The following RABGAP1L variants were observed in gnomAD, a reference collection of about 807,000 sequenced individuals.
RABGAP1L encodes RAB GTPase activating protein 1 like, also known as rab GTPase-activating protein 1-like.
Under a neutral mutation model 137.7 loss-of-function variants are expected in RABGAP1L, and 63 were observed. The observed-to-expected ratio is 0.46, with a 90% CI of 0.37 to 0.56. The LOEUF is 0.56. Ranked by LOEUF, RABGAP1L falls within the 20% of genes least tolerant of loss-of-function variation. The pLI, the probability that RABGAP1L is intolerant of heterozygous loss-of-function variation, is 0.00. For missense variants in RABGAP1L, 1,095 were observed against 1,244.0 expected, an observed-to-expected ratio of 0.88 and a Z score of 1.80; for synonymous variants, 431 against 433.7, an observed-to-expected ratio of 0.99 and a Z score of 0.08.
chr1:174,455,313 T>C lies in RABGAP1L; in HGVS notation c.1710+61168T>C, dbSNP rs146023628. 3.9e-5 allele frequency among the ~76,000 whole-genome samples: 6 copies of C among 152,294 alleles called. No homozygotes were observed. In the East Asian group the frequency reaches 1.2e-3, roughly 29 times the overall value. ...TTTTATACAAAAGAAATACCTATCA[T>C]TGACTTAAACATTTGACCCCAGTTT... On this transcript the variant is annotated intron_variant, in intron 13 of 25. Transcript: ENST00000681986.
chr1:174,581,965 T>C (rs988746749), intron 13 of RABGAP1L, among the ~76,000 whole-genome samples: 4 of 152,098 alleles, frequency 2.6e-5, no homozygotes, highest in Non-Finnish European at 5.9e-5. Context: ...GGGGTAGGAA[T>C]ATGGAAAGGA....
chr1:174,677,558 T>C (rs1005071068), intron 14 of RABGAP1L, among the ~76,000 whole-genome samples: 3 of 152,200 alleles, frequency 2.0e-5, no homozygotes, highest in Admixed American at 6.5e-5. Flanking sequence ...TCCACAGTGG[T>C]CCTAGTTTCG....
chr1:174,287,973 A>G (rs1267420598), intron 10 of RABGAP1L, among the ~76,000 whole-genome samples: 1 of 151,814 alleles, frequency 6.6e-6, no homozygotes, highest in Non-Finnish European at 1.5e-5. Flanking sequence ...ATTTCTTTCT[A>G]TTAATCTTTT....
intron 11 of RABGAP1L, among the ~76,000 whole-genome samples, chr1:174,341,883 G>C (rs1395746181): frequency 1.3e-5 from 2 of 152,128 alleles, no homozygotes; most frequent in African/African-American, 4.8e-5. Context: ...AGGTTGGAAG[G>C]CTTAATTTAA....
chr1:174,188,002 G>C (rs1383123028), intron 1 of RABGAP1L, among the ~76,000 whole-genome samples: 1 of 152,138 alleles, frequency 6.6e-6, no homozygotes, highest in Non-Finnish European at 1.5e-5. Context: ...TAAACAAAAA[G>C]GAAGGCATCA....
At chr1:174,492,338 G>A (rs971261876) in intron 13 of RABGAP1L, among the ~76,000 whole-genome samples, 5 of 144,198 alleles carry the variant, frequency 3.5e-5, no homozygotes, top group South Asian at 2.2e-4. Context: ...ATGCCACCAC[G>A]CCTGACTAAT....
chr1:174,568,372 G>A (rs750330590), intron 13 of RABGAP1L, among the ~76,000 whole-genome samples: 12 of 152,104 alleles, frequency 7.9e-5, no homozygotes, highest in African/African-American at 1.9e-4. Context: ...CATATAAACC[G>A]TATCAGGATA....
intron 20 of RABGAP1L, chr1:174,957,842 A>G: frequency 6.7e-7 from 1 of 1,486,024 alleles, no homozygotes; most frequent in East Asian, 2.3e-5. Context: ...GTATGTTTTC[A>G]TTTCAGGAGA....
intron 19 of RABGAP1L, among the ~76,000 whole-genome samples, chr1:174,875,898 A>G (rs1653026124): frequency 6.6e-6 from 1 of 152,230 alleles, no homozygotes; most frequent in Non-Finnish European, 1.5e-5. Flanking sequence ...AACAAGGGTC[A>G]AACACAGTTT....
At chr1:174,565,421 G>C (rs1361793822) in intron 13 of RABGAP1L, among the ~76,000 whole-genome samples, 1 of 152,032 alleles carries the variant, frequency 6.6e-6, no homozygotes, top group Admixed American at 6.6e-5. Context: ...TAACTTCATT[G>C]CAGTATTCTC....
intron 13 of RABGAP1L, among the ~76,000 whole-genome samples, chr1:174,557,349 G>A (rs935495543): frequency 2.6e-5 from 4 of 152,126 alleles, no homozygotes; most frequent in African/African-American, 9.7e-5. Context: ...TCATTCCGAT[G>A]GCCATGTGTA....
At chr1:174,359,209 G>A (rs1388652384) in intron 11 of RABGAP1L, among the ~76,000 whole-genome samples, 1 of 150,634 alleles carries the variant, frequency 6.6e-6, no homozygotes, top group Non-Finnish European at 1.5e-5. Flanking sequence ...AAGCCTTCTC[G>A]GTGTGTCTTT....
chr1:174,803,808 C>T (rs1038044175), intron 18 of RABGAP1L, among the ~76,000 whole-genome samples: 41 of 152,236 alleles, frequency 2.7e-4, no homozygotes, highest in African/African-American at 9.1e-4. Context: ...CGCAGTGGCT[C>T]ACGCCTGTAA....
At chr1:174,848,654 G>A (rs1056001242) in intron 19 of RABGAP1L, among the ~76,000 whole-genome samples, 6 of 143,256 alleles carry the variant, frequency 4.2e-5, no homozygotes, top group Non-Finnish European at 9.3e-5. Context: ...GGACATTTAA[G>A]TCTGCAGAGG....
chr1:174,410,262 G>A (rs1313656719), intron 13 of RABGAP1L, among the ~76,000 whole-genome samples: 1 of 152,108 alleles, frequency 6.6e-6, no homozygotes, highest in Admixed American at 6.6e-5. Context: ...TATTGGGGGT[G>A]GGTTCCCCCG....
intron 19 of RABGAP1L, among the ~76,000 whole-genome samples, chr1:174,929,996 A>G (rs1663514664): frequency 6.7e-6 from 1 of 150,262 alleles, no homozygotes; most frequent in East Asian, 2.0e-4. Flanking sequence ...GACTACAGAC[A>G]AGTGCCACCA....
intron 13 of RABGAP1L, among the ~76,000 whole-genome samples, chr1:174,583,473 AG>A (rs1440973343): frequency 6.6e-6 from 1 of 152,100 alleles, no homozygotes; most frequent in African/African-American, 2.4e-5. Flanking sequence ...CAGATGCAAA[AG>A]TTTTCAGTAA....
intron 15 of RABGAP1L, among the ~76,000 whole-genome samples, chr1:174,698,803 ATAAAAT>A (rs1182079536): frequency 6.6e-6 from 1 of 152,100 alleles, no homozygotes; most frequent in East Asian, 1.9e-4. Context: ...ATGGGACAAA[ATAAAAT>A]TAAAAATGTA....
intron 11 of RABGAP1L, among the ~76,000 whole-genome samples, chr1:174,330,582 C>A (rs1680946551): frequency 7.0e-6 from 1 of 142,488 alleles, no homozygotes; most frequent in Admixed American, 7.1e-5. Flanking sequence ...GAGACTCTGT[C>A]TTTAAACAAA....
Sources: gnomAD v4.1 joint callset for allele counts (sites outside exome capture counted in the v4.1 genomes callset) on GRCh38, gnomAD v4.1.1 for gene constraint, MANE v1.5 for transcripts, NCBI Gene and HGNC (gene_info 2026-07-23, HGNC 2026-07-21) for gene names.